Variants in SORT1 observed in about 807,000 individuals in gnomAD.
SORT1 encodes sortilin 1.
A neutral mutation model predicts 101.7 loss-of-function variants in SORT1; 39 were observed. The ratio of observed to expected loss-of-function variants is 0.38; its 90% CI spans 0.30 to 0.50. The LOEUF (loss-of-function observed/expected upper bound fraction) is 0.50, where lower values mean the gene tolerates loss of function less well. SORT1 is among the 20% of genes least tolerant of loss of function. The pLI is 0.90. For synonymous variants in SORT1, 396 were observed against 393.7 expected (o/e 1.01, Z -0.07); for missense variants, 878 against 1,040.4 (o/e 0.84, Z 2.15).
chr1:109,378,557 G>A (rs150076171), intron 1 of SORT1, among the ~76,000 whole-genome samples: 7 of 151,016 alleles, frequency 4.6e-5, no homozygotes, highest in African/African-American at 1.2e-4. Context: ...ACTGAAAGGC[G>A]GAATAATCCC....
At chr1:109,375,571 A>C (rs1651781616) in intron 1 of SORT1, among the ~76,000 whole-genome samples, 1 of 149,402 alleles carries the variant, frequency 6.7e-6, no homozygotes. Context: ...ATAATAGCCA[A>C]AATTTCCCCA....
At chr1:109,388,902 T>C (rs1312997818) in intron 1 of SORT1, among the ~76,000 whole-genome samples, 1 of 152,202 alleles carries the variant, frequency 6.6e-6, no homozygotes, top group African/African-American at 2.4e-5. Context: ...TCATCAATTA[T>C]ATTAACAAAA....
chr1:109,351,965 GGTGTGTGTGTGTGT>G (rs10540637), intron 5 of SORT1, among the ~76,000 whole-genome samples: 3 of 147,406 alleles, frequency 2.0e-5, no homozygotes, highest in East Asian at 4.1e-4. Flanking sequence ...GAGAGGTAGG[GGTGTGTGTGTGTGT>G]GTGTGTGTGT....
intron 2 of SORT1, among the ~76,000 whole-genome samples, chr1:109,369,115 G>A (rs1224252587): frequency 1.3e-5 from 2 of 152,152 alleles, no homozygotes; most frequent in Admixed American, 6.5e-5. Context: ...GAGGTCAGGC[G>A]TTCAAGACCA....
At position 109,397,613 on chromosome 1, in the gene SORT1, C is replaced by T; in HGVS notation, c.280G>A (p.Ala94Thr). 1 of 1,283,286 alleles carries T rather than the reference C, an allele frequency of 7.8e-7. No homozygotes were observed. The highest frequency in any genetic ancestry group is 1.0e-6 in the Non-Finnish European group (1 of 1,002,378). The allele number at this position is 1,283,286 out of a possible 1,614,324, so 79.5% of individuals were successfully genotyped here. A position where few individuals can be genotyped will look rare whatever the true frequency, so the allele number is the denominator to read the frequency against. Residue 94 changes from alanine (A) to threonine (T), a missense_variant, in exon 1 of 20, where the codon GCC becomes ACC. Ala to Thr is a moderately conservative substitution (Grantham distance 58). Around this residue, in one of 2 missense-constraint regions of SORT1, gnomAD observed 194 missense variants for 145.9 expected, o/e 1.33. Coordinates refer to ENST00000256637, the MANE Select transcript of SORT1 (RefSeq NM_002959.7). ...EECGRVRDFV[A>T]KLANNTHQHV... ...TGGTGCGTGTTGTTGGCCAGCTTGG[C>T]GACGAAGTCCCGGACCCGGCCGCAC...
chr1:109,387,937 G>A (rs1261732125), intron 1 of SORT1, among the ~76,000 whole-genome samples: 1 of 151,930 alleles, frequency 6.6e-6, no homozygotes, highest in South Asian at 2.1e-4. Context: ...GCAACAGAGC[G>A]AGACCCTGTC....
intron 15 of SORT1, among the ~76,000 whole-genome samples, chr1:109,319,951 T>C (rs1193469104): frequency 6.6e-6 from 1 of 151,810 alleles, no homozygotes; most frequent in Non-Finnish European, 1.5e-5. Flanking sequence ...TGGAGCCCTC[T>C]CGGGTCTCAT....
rs764753036 is a variant in SORT1, at chr1:109,345,822, T to C, written c.892A>G (p.Thr298Ala). 1.2e-6 allele frequency: 2 copies of C among 1,613,220 alleles called. No homozygotes were observed. Among genetic ancestry groups the C allele is most frequent in the African/African-American group, 2.7e-5 (2 of 74,822 alleles). ...AATGAGTAGATTTTCACACCAATAG[T>C]TTTGAAGCTTTTTCCCAAGTCTGAA... is the stretch of plus-strand genomic sequence containing the variant. Reference protein sequence around the residue: ...RTSDLGKSFKTIGVKIYSFGL... With the variant: ...RTSDLGKSFKAIGVKIYSFGL... The change falls in exon 8 of 20, where the codon ACT becomes GCT. Residue 298 changes from threonine (T) to alanine (A), a missense_variant. This residue lies in a region of SORT1 where 684 missense variants were observed against 894.5 expected (regional missense o/e 0.76). Coordinates refer to ENST00000256637, the MANE Select transcript of SORT1 (RefSeq NM_002959.7).
intron 1 of SORT1, among the ~76,000 whole-genome samples, chr1:109,394,240 A>G (rs1653068129): frequency 6.6e-6 from 1 of 152,108 alleles, no homozygotes; most frequent in Non-Finnish European, 1.5e-5. Flanking sequence ...CTTTCCCATG[A>G]GTCTATTATA....
intron 4 of SORT1, among the ~76,000 whole-genome samples, chr1:109,354,747 T>G (rs1650197109): frequency 6.6e-6 from 1 of 152,186 alleles, no homozygotes; most frequent in Non-Finnish European, 1.5e-5. Flanking sequence ...TATCTGTGGG[T>G]TTAAGCCTAG....
At chr1:109,357,793 T>C (rs906116955) in intron 3 of SORT1, among the ~76,000 whole-genome samples, 1 of 152,316 alleles carries the variant, frequency 6.6e-6, no homozygotes, top group South Asian at 2.1e-4. Context: ...AGAAAATTCC[T>C]AGATAAATGA....
intron 14 of SORT1, 86 bp from the exon 15 acceptor site, chr1:109,323,207 G>A: frequency 1.1e-6 from 1 of 912,228 alleles, no homozygotes; most frequent in Non-Finnish European, 1.7e-6. Context: ...GAAGAACAAG[G>A]AGAGGGAAAG....
In SORT1 at chr1:109,313,829, C is replaced by T. The variant is rs1324406926; in HGVS notation, c.*214G>A. 1 of 553,094 alleles carries T rather than the reference C, an allele frequency of 1.8e-6. No individual in the cohort carries two copies. The highest frequency in any genetic ancestry group is 3.0e-5 in the East Asian group (1 of 33,586). The allele number at this position is 553,094 out of a possible 1,614,324, so 34.3% of individuals were successfully genotyped here. ...GAAGTTAAAGAATTTAAAATGTCTC[C>T]CTTTTTCTCAGAGCCAATTGTAAAA... On this transcript the variant is annotated 3_prime_UTR_variant, in exon 20 of 20. Coordinates refer to ENST00000256637, the MANE Select transcript of SORT1 (RefSeq NM_002959.7).
At chr1:109,344,295 A>G (rs1471519385) in intron 8 of SORT1, among the ~76,000 whole-genome samples, 1 of 152,174 alleles carries the variant, frequency 6.6e-6, no homozygotes, top group Non-Finnish European at 1.5e-5. Context: ...TCAAAAGAGA[A>G]GCCAAATCTC....
intron 11 of SORT1, among the ~76,000 whole-genome samples, chr1:109,330,065 G>C (rs777048147): frequency 2.0e-5 from 3 of 152,092 alleles, no homozygotes; most frequent in Non-Finnish European, 4.4e-5. Context: ...GCAGTGGCGT[G>C]ATCTTGGCTC....
At chr1:109,383,884 T>C (rs1457241587) in intron 1 of SORT1, among the ~76,000 whole-genome samples, 2 of 152,194 alleles carry the variant, frequency 1.3e-5, no homozygotes, top group East Asian at 1.9e-4. Context: ...TGAGGGAGCA[T>C]GATACAGAGG....
At chr1:109,340,146 CA>C (rs34790280) in intron 10 of SORT1, among the ~76,000 whole-genome samples, 55,244 of 95,566 alleles carry the variant, frequency 0.58, 12,078 homozygotes, top group East Asian at 0.82. Flanking sequence ...GATTCCATCT[CA>C]AAAAAAAAAA....
chr1:109,354,084 T>C (rs1473853600), intron 5 of SORT1, among the ~76,000 whole-genome samples: 2 of 148,470 alleles, frequency 1.3e-5, no homozygotes, highest in East Asian at 2.2e-4. Context: ...ACAAGAATGA[T>C]TAAATTAAAC....
chr1:109,367,453 A>C lies in SORT1; in HGVS notation c.395T>G (p.Val132Gly). 1.9e-6 allele frequency: 3 copies of C among 1,608,142 alleles called. No individual in the cohort carries two copies. The highest frequency in any genetic ancestry group is 2.6e-6 in the Non-Finnish European group (3 of 1,174,714). The change falls in exon 3 of 20, where the codon GTA becomes GGA. Residue 132 changes from valine to glycine, a missense_variant. By Grantham distance (109) the Val-to-Gly change is moderately radical (BLOSUM62 -3). This residue lies in a region of SORT1 where 684 missense variants were observed against 894.5 expected (regional missense o/e 0.76). Coordinates refer to ENST00000256637, the MANE Select transcript of SORT1 (RefSeq NM_002959.7). Reference sequence around the variant, plus strand: ...TCCAAAAGTCATAATTACCAGTGGTACATGGAAGGTAGTCAAGACTAGAAT... The same window carrying C: ...TCCAAAAGTCATAATTACCAGTGGTCCATGGAAGGTAGTCAAGACTAGAAT... ...GVILVLTTFHVPLVIMTFGQS... is the reference protein window; with the variant it reads ...GVILVLTTFHGPLVIMTFGQS...
Sources: gnomAD v4.1 joint callset for allele counts (sites outside exome capture counted in the v4.1 genomes callset) on GRCh38, gnomAD v4.1.1 for gene constraint, gnomAD v4.1.1 regional missense constraint, MANE v1.5 for transcripts, NCBI Gene and HGNC (gene_info 2026-07-23, HGNC 2026-07-21) for gene names.